Variants in ZCCHC7 observed in about 807,000 individuals in gnomAD.
The protein encoded by ZCCHC7 is zinc finger CCHC domain-containing protein 7.
ZCCHC7 carries 35 observed loss-of-function variants against 52.0 expected under a neutral mutation model. The observed-to-expected ratio is 0.67, with a 90% confidence interval of 0.51 to 0.89. The LOEUF (loss-of-function observed/expected upper bound fraction) is 0.89, where lower values mean the gene tolerates loss of function less well. ZCCHC7 is among the 40% of genes least tolerant of loss of function. The pLI, the probability that ZCCHC7 is intolerant of heterozygous loss-of-function variation, is 0.00. For synonymous variants in ZCCHC7, 217 were observed against 221.5 expected (o/e 0.98, Z 0.18); for missense variants, 574 against 649.1 (o/e 0.88, Z 1.26).
intron 2 of ZCCHC7, among the ~76,000 whole-genome samples, chr9:37,138,940 C>A (rs1843108084): frequency 6.6e-6 from 1 of 151,690 alleles, no homozygotes; most frequent in Non-Finnish European, 1.5e-5. Flanking sequence ...TTGATGTGAG[C>A]TACATATGAT....
intron 6 of ZCCHC7, among the ~76,000 whole-genome samples, chr9:37,337,325 A>G (rs566223793): frequency 7.3e-5 from 11 of 151,056 alleles, no homozygotes; most frequent in Middle Eastern, 3.4e-3. Context: ...CTTATTCTCC[A>G]GCTCGCCTGG....
At chr9:37,127,190 T>G (rs898537632) in intron 2 of ZCCHC7, among the ~76,000 whole-genome samples, 4 of 152,218 alleles carry the variant, frequency 2.6e-5, no homozygotes, top group African/African-American at 4.8e-5. Flanking sequence ...CATAGCTGCT[T>G]CTTCCTGTTT....
intron 2 of ZCCHC7, among the ~76,000 whole-genome samples, chr9:37,188,396 C>T (rs1822781229): frequency 6.6e-6 from 1 of 151,652 alleles, no homozygotes; most frequent in Admixed American, 6.6e-5. Flanking sequence ...CTCAAGTGAT[C>T]CTCCCACCTC....
chr9:37,122,510 C>T (rs185572044), intron 1 of ZCCHC7, among the ~76,000 whole-genome samples: 52 of 152,248 alleles, frequency 3.4e-4, no homozygotes, highest in African/African-American at 1.2e-3. Context: ...TAAAATGTCT[C>T]ATTTAGTTTT....
At chr9:37,291,826 T>C (rs1392453632) in intron 2 of ZCCHC7, among the ~76,000 whole-genome samples, 1 of 152,162 alleles carries the variant, frequency 6.6e-6, no homozygotes, top group Admixed American at 6.5e-5. Flanking sequence ...CCCGAGTAGC[T>C]AGGATTACAG....
chr9:37,212,541 A>G (rs1349748700), intron 2 of ZCCHC7, among the ~76,000 whole-genome samples: 5 of 152,070 alleles, frequency 3.3e-5, no homozygotes, highest in Admixed American at 1.3e-4. Context: ...TTAGTTGGCT[A>G]TCTGAATCAT....
rs143383552 is a variant in ZCCHC7 at position 37,184,163 on chromosome 9, A to G, written c.610+57221A>G. On this transcript the variant is annotated intron_variant, in intron 2 of 8. Transcript: ENST00000336755. ...TTTGTACGTTTTGGAAGCCTTCTGTAGTTAAGTATTAGTTGAGCTAATTCC... is the reference window on the plus strand; with the variant it reads ...TTTGTACGTTTTGGAAGCCTTCTGTGGTTAAGTATTAGTTGAGCTAATTCC... 7.9e-4 allele frequency among the ~76,000 whole-genome samples: 120 copies of G among 152,328 alleles called. 1 individual carries two copies. In the South Asian group the frequency reaches 0.01, roughly 13 times the overall value.
chr9:37,255,986 A>G (rs1463996317), intron 2 of ZCCHC7, among the ~76,000 whole-genome samples: 1 of 152,142 alleles, frequency 6.6e-6, no homozygotes, highest in Non-Finnish European at 1.5e-5. Flanking sequence ...TTTTCTTCCA[A>G]CAGATATTTT....
intron 2 of ZCCHC7, among the ~76,000 whole-genome samples, chr9:37,160,622 C>A (rs988352891): frequency 6.6e-6 from 1 of 152,122 alleles, no homozygotes; most frequent in Non-Finnish European, 1.5e-5. Context: ...GGCAGTGGCT[C>A]ACGCCTATAA....
At chr9:37,150,006 G>A (rs192007582) in intron 2 of ZCCHC7, among the ~76,000 whole-genome samples, 183 of 152,272 alleles carry the variant, frequency 1.2e-3, no homozygotes, top group South Asian at 5.6e-3. Context: ...GCCTTTAATG[G>A]CAGTTTTTCA....
At chr9:37,223,982 T>G (rs943763545) in intron 2 of ZCCHC7, among the ~76,000 whole-genome samples, 1 of 152,128 alleles carries the variant, frequency 6.6e-6, no homozygotes, top group African/African-American at 2.4e-5. Context: ...GGTGATAGGA[T>G]TACAGAGGTT....
chr9:37,258,367 T>C (rs1193554641), intron 2 of ZCCHC7, among the ~76,000 whole-genome samples: 2 of 152,126 alleles, frequency 1.3e-5, no homozygotes, highest in East Asian at 3.9e-4. Flanking sequence ...ACAGTCAGCA[T>C]GGGGTTAATA....
intron 5 of ZCCHC7, among the ~76,000 whole-genome samples, chr9:37,306,302 T>G (rs1225570045): frequency 6.6e-6 from 1 of 151,438 alleles, no homozygotes; most frequent in Non-Finnish European, 1.5e-5. Flanking sequence ...CTCCTGACCT[T>G]AGGTGATCTG....
chr9:37,162,558 G>C (rs890998063), intron 2 of ZCCHC7, among the ~76,000 whole-genome samples: 8 of 152,144 alleles, frequency 5.3e-5, no homozygotes, highest in African/African-American at 1.9e-4. Flanking sequence ...CCATAAAGTA[G>C]CAAGTATCAA....
In ZCCHC7 at chr9:37,193,954, C is replaced by T. The variant is rs1482669179; in HGVS notation, c.610+67012C>T. ...ATCTTTAAAATTATTATTTGAATGC[C>T]TCATCCCTTTCCCTCTTACAGCGTT... is the stretch of plus-strand genomic sequence containing the variant. On this transcript the variant is annotated intron_variant, in intron 2 of 8. Transcript: ENST00000336755. Among the ~76,000 whole-genome samples, 6 of 152,260 alleles carry T rather than the reference C, an allele frequency of 3.9e-5. No individual in the cohort carries two copies. The East Asian group carries it at 1.2e-3, about 29-fold the overall frequency.
At chr9:37,223,302 A>C (rs550440860) in intron 2 of ZCCHC7, among the ~76,000 whole-genome samples, 48 of 152,346 alleles carry the variant, frequency 3.2e-4, no homozygotes, top group African/African-American at 1.1e-3. Context: ...ACTGAATGTT[A>C]CTCAGCCATT....
intron 5 of ZCCHC7, among the ~76,000 whole-genome samples, chr9:37,323,677 A>G (rs537759809): frequency 1.3e-5 from 2 of 152,332 alleles, no homozygotes; most frequent in African/African-American, 4.8e-5. Context: ...TCTTAATTGT[A>G]TATTTCTATG....
At chr9:37,254,837 CTT>C (rs59489076) in intron 2 of ZCCHC7, among the ~76,000 whole-genome samples, 1 of 93,460 alleles carries the variant, frequency 1.1e-5, no homozygotes, top group African/African-American at 4.0e-5. Context: ...CAAAAAGTTT[CTT>C]TTTTTTTTTT....
rs1824432765 is a variant in ZCCHC7 at position 37,215,064 on chromosome 9, T to G, written c.611-87124T>G. 2.0e-5 allele frequency among the ~76,000 whole-genome samples: 3 copies of G among 152,126 alleles called. No homozygotes were observed. The South Asian group carries it at 6.2e-4, about 31-fold the overall frequency. On this transcript the variant is annotated intron_variant, in intron 2 of 8. Coordinates refer to ENST00000336755, the MANE Select transcript of ZCCHC7 (RefSeq NM_032226.3). ...CTTTTATTACAAACAGTTATGAATA[T>G]GAACATCTCATTTGACTACTGATGA...
Sources: gnomAD v4.1 joint callset for allele counts (sites outside exome capture counted in the v4.1 genomes callset) on GRCh38, gnomAD v4.1.1 for gene constraint, MANE v1.5 for transcripts, NCBI Gene and HGNC (gene_info 2026-07-23, HGNC 2026-07-21) for gene names.